Variants in ESRRG observed in about 807,000 individuals in gnomAD.
ESRRG encodes the protein estrogen related receptor gamma, also known as estrogen-related receptor gamma.
ESRRG carries 13 observed loss-of-function variants against 44.0 expected under a neutral mutation model. The observed-to-expected ratio is 0.30, with a 90% CI of 0.19 to 0.47. The LOEUF (loss-of-function observed/expected upper bound fraction) is 0.47. Among genes scored for constraint, ESRRG ranks in the 20% least tolerant of loss-of-function variants. The pLI is 1.00. For missense variants in ESRRG, 395 were observed against 580.6 expected (o/e 0.68, Z 3.29); for synonymous variants, 215 against 214.6 (o/e 1.00, Z -0.02).
Position 216,506,580 on chromosome 1 carries a change from A to C in ESRRG, c.*359T>G. 1 of 464,398 alleles carries C rather than the reference A, an allele frequency of 2.2e-6. No homozygotes were observed. Among genetic ancestry groups the C allele is most frequent in the Non-Finnish European group, 4.3e-6 (1 of 233,772 alleles). 28.8% of individuals were successfully genotyped at this position (464,398 alleles called of 1,614,324 possible). A position where few individuals can be genotyped will look rare whatever the true frequency, so the allele number is the denominator to read the frequency against. On this transcript the variant is annotated 3_prime_UTR_variant, in exon 7 of 7. Transcript: ENST00000408911. ...AGGGGAAGGATGAGAAAAGAGAGGA[A>C]TGAGAGTAGGTAAAGAAAAGAAAGA...
intron 2 of ESRRG, among the ~76,000 whole-genome samples, chr1:216,854,073 A>G (rs1177788695): frequency 6.6e-6 from 1 of 152,056 alleles, no homozygotes. Context: ...AGCTCCCTAG[A>G]TGTGGCAGGG....
chr1:216,868,147 G>A (rs1174819758), intron 2 of ESRRG, among the ~76,000 whole-genome samples: 1 of 139,694 alleles, frequency 7.2e-6, no homozygotes, highest in Non-Finnish European at 1.5e-5. Context: ...GAGTGGAATG[G>A]AGCGATCTGG....
At chr1:217,124,708 C>A (rs997948965) in intron 1 of ESRRG, among the ~76,000 whole-genome samples, 4 of 152,084 alleles carry the variant, frequency 2.6e-5, no homozygotes, top group South Asian at 2.1e-4. Context: ...AAGAAAAAAA[C>A]CAAGGTAATC....
chr1:216,795,971 A>G (rs2094461150), intron 2 of ESRRG, among the ~76,000 whole-genome samples: 1 of 152,086 alleles, frequency 6.6e-6, no homozygotes, highest in South Asian at 2.1e-4. Context: ...TCTCCCCAAA[A>G]TCTCGGGCAT....
chr1:216,822,918 G>T (rs557375727), intron 2 of ESRRG, among the ~76,000 whole-genome samples: 5 of 152,230 alleles, frequency 3.3e-5, no homozygotes, highest in South Asian at 2.1e-4. Context: ...TTTAGACAAG[G>T]TTCCAAAAAC....
At chr1:217,057,293 C>A (rs2151306841) in intron 1 of ESRRG, among the ~76,000 whole-genome samples, 1 of 152,160 alleles carries the variant, frequency 6.6e-6, no homozygotes, top group South Asian at 2.1e-4. Context: ...AGTGAGATTT[C>A]CTGAATCATA....
intron 1 of ESRRG, among the ~76,000 whole-genome samples, chr1:216,687,346 A>G (rs1030766073): frequency 2.0e-5 from 3 of 152,142 alleles, no homozygotes; most frequent in African/African-American, 4.8e-5. Context: ...AGTGTGCGAC[A>G]CCACGCTGTC....
At chr1:217,086,412 G>T (rs77519222) in intron 1 of ESRRG, among the ~76,000 whole-genome samples, 2,004 of 152,238 alleles carry the variant, frequency 0.013, 44 homozygotes, top group African/African-American at 0.045. Flanking sequence ...GTCTTGAAAA[G>T]TTTAAATTAA....
At chr1:217,072,831 CAT>C (rs1339046392) in intron 1 of ESRRG, among the ~76,000 whole-genome samples, 1 of 152,136 alleles carries the variant, frequency 6.6e-6, no homozygotes, top group African/African-American at 2.4e-5. Context: ...TTTTGCAGCT[CAT>C]GTGTTGTGTG....
intron 1 of ESRRG, among the ~76,000 whole-genome samples, chr1:216,963,503 A>C (rs2069570625): frequency 6.6e-6 from 1 of 152,172 alleles, no homozygotes; most frequent in African/African-American, 2.4e-5. Flanking sequence ...GGAATCTAAC[A>C]GAGTCAAGCC....
At chr1:217,051,011 A>C (rs901725205) in intron 1 of ESRRG, among the ~76,000 whole-genome samples, 1 of 152,092 alleles carries the variant, frequency 6.6e-6, no homozygotes, top group Non-Finnish European at 1.5e-5. Flanking sequence ...GGAAAGAGGA[A>C]TCTTTTTTAA....
At chr1:217,022,061 C>A (rs763765098) in intron 1 of ESRRG, among the ~76,000 whole-genome samples, 6 of 152,154 alleles carry the variant, frequency 3.9e-5, no homozygotes, top group African/African-American at 7.2e-5. Flanking sequence ...TGTGCTCGGT[C>A]TCATCCACAG....
intron 2 of ESRRG, among the ~76,000 whole-genome samples, chr1:216,807,571 A>G (rs2094836501): frequency 6.6e-6 from 1 of 152,134 alleles, no homozygotes; most frequent in African/African-American, 2.4e-5. Context: ...TGGGTTTCTC[A>G]TTTTGGTAAT....
At chr1:216,648,964 G>A (rs1004369099) in intron 3 of ESRRG, among the ~76,000 whole-genome samples, 2 of 152,030 alleles carry the variant, frequency 1.3e-5, no homozygotes, top group African/African-American at 4.8e-5. Context: ...GTCAATCACT[G>A]ATCATTAACT....
chr1:216,893,406 C>A (rs1417700019), intron 2 of ESRRG, among the ~76,000 whole-genome samples: 1 of 151,954 alleles, frequency 6.6e-6, no homozygotes, highest in Non-Finnish European at 1.5e-5. Flanking sequence ...AGTGCCAGGG[C>A]CCCATGAGGC....
intron 3 of ESRRG, among the ~76,000 whole-genome samples, chr1:216,642,379 T>G (rs1001211661): frequency 1.3e-5 from 2 of 152,198 alleles, no homozygotes; most frequent in East Asian, 3.9e-4. Flanking sequence ...TGAGACTGAC[T>G]ATTCAAGTTT....
At chr1:216,648,093 C>T (rs1398828144) in intron 3 of ESRRG, among the ~76,000 whole-genome samples, 1 of 152,104 alleles carries the variant, frequency 6.6e-6, no homozygotes, top group Non-Finnish European at 1.5e-5. Context: ...CTCTGACATA[C>T]TTCATGGGAC....
chr1:217,012,573 A>G (rs2078787088), intron 1 of ESRRG, among the ~76,000 whole-genome samples: 1 of 152,216 alleles, frequency 6.6e-6, no homozygotes, highest in Non-Finnish European at 1.5e-5. Context: ...AGGCAAACTC[A>G]GAGGCTAAGT....
chr1:216,617,986 C>T (rs2061650247), intron 3 of ESRRG, among the ~76,000 whole-genome samples: 1 of 151,976 alleles, frequency 6.6e-6, no homozygotes, highest in Non-Finnish European at 1.5e-5. Context: ...GGTAATGCTT[C>T]AATATTAAAA....
Sources: allele counts gnomAD v4.1 joint callset (sites outside exome capture counted in the v4.1 genomes callset), GRCh38; gene constraint gnomAD v4.1.1; transcripts MANE v1.5; gene names NCBI Gene and HGNC (gene_info 2026-07-23, HGNC 2026-07-21).